Variants in HMGB1 observed in about 807,000 individuals in gnomAD.
HMGB1 encodes high mobility group box 1, also known as high mobility group protein B1.
For missense variants in HMGB1, 79 were observed against 253.5 expected, an observed-to-expected ratio of 0.31 and a Z score of 4.67; for synonymous variants, 81 against 84.0, an observed-to-expected ratio of 0.96 and a Z score of 0.19.
intron 1 of HMGB1, among the ~76,000 whole-genome samples, chr13:30,536,976 T>C (rs906768181): frequency 3.9e-5 from 6 of 152,312 alleles, no homozygotes; most frequent in South Asian, 4.1e-4. Context: ...TCTCTTCCCT[T>C]CTTCTCCGTT....
chr13:30,538,681 T>TTTCC (rs1868672675), intron 1 of HMGB1, among the ~76,000 whole-genome samples: 1 of 24,066 alleles, frequency 4.2e-5, no homozygotes, highest in African/African-American at 1.2e-4. Context: ...TCTTTCTTTC[T>TTTCC]TTCCTTTCTT....
chr13:30,508,056 C>A (rs1326543070), intron 1 of HMGB1, among the ~76,000 whole-genome samples: 2 of 152,088 alleles, frequency 1.3e-5, no homozygotes, highest in Admixed American at 6.6e-5. Flanking sequence ...TGGCCATGGC[C>A]TTGAACTGTT....
chr13:30,467,700 T>C (rs958068591), upstream of HMGB1, among the ~76,000 whole-genome samples: 2 of 152,268 alleles, frequency 1.3e-5, no homozygotes, highest in African/African-American at 4.8e-5. Flanking sequence ...CTGTCTTATC[T>C]TCTCAATGTC....
In HMGB1 at chr13:30,460,470, TA is replaced by T. The variant is rs2137388465; in HGVS notation, c.*886del. 1 of 151,856 alleles carries T rather than the reference TA, an allele frequency of 6.6e-6. No homozygotes were observed. The highest frequency in any genetic ancestry group is 2.4e-5 in the African/African-American group (1 of 41,258). 9.4% of individuals were successfully genotyped at this position (151,856 alleles called of 1,614,324 possible). A position where few individuals can be genotyped will look rare whatever the true frequency, so the allele number is the denominator to read the frequency against. On this transcript the variant is annotated 3_prime_UTR_variant, in exon 5 of 5. Coordinates refer to ENST00000341423, the MANE Select transcript of HMGB1 (RefSeq NM_002128.7). ...TGGGGATACATTCTCAGGTCTTCTT[TA>T]ATGTGGGAACTGCAAAATATAACTG...
intron 1 of HMGB1, chr13:30,553,736 C>A: frequency 7.6e-7 from 1 of 1,318,824 alleles, no homozygotes; most frequent in Non-Finnish European, 1.1e-6. Flanking sequence ...AGCTGCCGTA[C>A]TTGGAAATTC....
At chr13:30,462,737 T>C in intron 3 of HMGB1, 25 bp from the exon 4 acceptor site, 2 of 1,593,378 alleles carry the variant, frequency 1.3e-6, no homozygotes, top group Non-Finnish European at 1.7e-6. Context: ...AATTTTAGGA[T>C]TTTAAGTTAA....
chr13:30,601,357 C>T (rs1323657098), intron 1 of HMGB1, among the ~76,000 whole-genome samples: 1 of 152,234 alleles, frequency 6.6e-6, no homozygotes, highest in African/African-American at 2.4e-5. Context: ...TTCACATGGA[C>T]ACGCATGAAA....
intron 1 of HMGB1, among the ~76,000 whole-genome samples, chr13:30,514,417 G>A (rs1888058973): frequency 6.7e-6 from 1 of 148,416 alleles, no homozygotes; most frequent in African/African-American, 2.5e-5. Flanking sequence ...TCAAACTCCT[G>A]GGCTCAAGTG....
intron 1 of HMGB1, among the ~76,000 whole-genome samples, chr13:30,535,931 C>T (rs768787555): frequency 6.6e-6 from 1 of 152,038 alleles, no homozygotes; most frequent in African/African-American, 2.4e-5. Context: ...TTTCTGCTCA[C>T]GATTAAGACA....
intron 1 of HMGB1, among the ~76,000 whole-genome samples, chr13:30,585,549 A>G (rs922372519): frequency 3.4e-4 from 51 of 151,730 alleles, no homozygotes; most frequent in African/African-American, 1.2e-3. Flanking sequence ...GTGGTGGCGC[A>G]TGCCTGTAAT....
At chr13:30,523,663 C>G (rs7139735) in intron 1 of HMGB1, among the ~76,000 whole-genome samples, 118,114 of 151,958 alleles carry the variant, frequency 0.78, 46,577 homozygotes, top group Non-Finnish European at 0.84. Flanking sequence ...CCATGCTCAG[C>G]CTATCCCCTC....
chr13:30,593,299 C>T (rs1871450421), intron 1 of HMGB1, among the ~76,000 whole-genome samples: 1 of 152,124 alleles, frequency 6.6e-6, no homozygotes. Context: ...AACAATATGG[C>T]ATATTAAGTC....
At chr13:30,544,750 C>T (rs1205390871) in intron 1 of HMGB1, among the ~76,000 whole-genome samples, 1 of 151,972 alleles carries the variant, frequency 6.6e-6, no homozygotes, top group African/African-American at 2.4e-5. Context: ...TCAAATCAAT[C>T]GAACCTGAGG....
intron 1 of HMGB1, among the ~76,000 whole-genome samples, chr13:30,593,426 G>A (rs1297448415): frequency 6.6e-6 from 1 of 152,156 alleles, no homozygotes; most frequent in Non-Finnish European, 1.5e-5. Context: ...TGTTTCTACA[G>A]AAAGATACCA....
intron 1 of HMGB1, among the ~76,000 whole-genome samples, chr13:30,497,187 C>T (rs1286661215): frequency 6.6e-6 from 1 of 152,168 alleles, no homozygotes; most frequent in Non-Finnish European, 1.5e-5. Flanking sequence ...CAACCCTGCC[C>T]TCTCTTCACT....
At chr13:30,487,886 C>G (rs1444111822) in intron 1 of HMGB1, among the ~76,000 whole-genome samples, 1 of 151,876 alleles carries the variant, frequency 6.6e-6, no homozygotes, top group Non-Finnish European at 1.5e-5. Flanking sequence ...TAGAACTGAA[C>G]TAAAAACTTG....
intron 1 of HMGB1, among the ~76,000 whole-genome samples, chr13:30,572,912 T>C (rs374591163): frequency 3.9e-5 from 6 of 152,244 alleles, no homozygotes; most frequent in East Asian, 1.9e-4. Flanking sequence ...ACAAAACTCT[T>C]GAGTAGTTTG....
chr13:30,605,836 C>T (rs1370983629), intron 1 of HMGB1, among the ~76,000 whole-genome samples: 2 of 152,146 alleles, frequency 1.3e-5, no homozygotes, highest in African/African-American at 4.8e-5. Flanking sequence ...ACAGATTCAA[C>T]ATTTAATGCC....
intron 1 of HMGB1, chr13:30,541,976 C>G (rs200334235): frequency 6.5e-6 from 1 of 152,978 alleles, no homozygotes; most frequent in Admixed American, 6.5e-5. Flanking sequence ...AGCCAGCTTC[C>G]GCAGGTGCTC....
Sources: allele counts gnomAD v4.1 joint callset (sites outside exome capture counted in the v4.1 genomes callset), GRCh38; gene constraint gnomAD v4.1.1; transcripts MANE v1.5; gene names NCBI Gene and HGNC (gene_info 2026-07-23, HGNC 2026-07-21).